The following FAM107B variants were observed in gnomAD, a reference collection of about 807,000 sequenced individuals.
FAM107B encodes the protein protein FAM107B.
FAM107B carries 21 observed loss-of-function variants against 31.5 expected under a neutral mutation model. That is an observed-to-expected ratio of 0.67 (90% CI 0.47 to 0.96). The LOEUF (loss-of-function observed/expected upper bound fraction) is 0.96. Among genes scored for constraint, FAM107B ranks in the 40% least tolerant of loss-of-function variants. The probability of loss-of-function intolerance (pLI) is 0.00; values close to 1 mark genes in which losing one functional copy is unlikely to be tolerated. For synonymous variants in FAM107B, 157 were observed against 141.5 expected, an observed-to-expected ratio of 1.11 and a Z score of -0.78; for missense variants, 452 against 377.1, an observed-to-expected ratio of 1.20 and a Z score of -1.64.
intron 2 of FAM107B, among the ~76,000 whole-genome samples, chr10:14,537,934 G>A (rs951511397): frequency 1.4e-4 from 22 of 151,816 alleles, no homozygotes; most frequent in African/African-American, 5.3e-4. Flanking sequence ...CACTGGCAAC[G>A]AATAAGAATA....
At chr10:14,539,972 T>G (rs1848015407) in intron 2 of FAM107B, among the ~76,000 whole-genome samples, 1 of 152,102 alleles carries the variant, frequency 6.6e-6, no homozygotes, top group African/African-American at 2.4e-5. Context: ...CAGCAGCACA[T>G]CTATGGAGAA....
intron 1 of FAM107B, among the ~76,000 whole-genome samples, chr10:14,688,555 G>T (rs1286846810): frequency 2.6e-5 from 4 of 152,104 alleles, no homozygotes; most frequent in Non-Finnish European, 5.9e-5. Flanking sequence ...ATTTTCAATT[G>T]TTCAGCCTTC....
chr10:14,582,074 G>A (rs958398169), intron 2 of FAM107B, among the ~76,000 whole-genome samples: 12 of 152,146 alleles, frequency 7.9e-5, no homozygotes, highest in African/African-American at 2.9e-4. Flanking sequence ...GACACTCCCA[G>A]TTATGGCACA....
At chr10:14,659,385 G>A (rs1208566863) in intron 2 of FAM107B, among the ~76,000 whole-genome samples, 2 of 152,118 alleles carry the variant, frequency 1.3e-5, no homozygotes, top group Admixed American at 1.3e-4. Flanking sequence ...AGGTTGCAGT[G>A]AGCTGAGATT....
intron 2 of FAM107B, among the ~76,000 whole-genome samples, chr10:14,592,257 G>A (rs958653160): frequency 6.6e-6 from 1 of 152,248 alleles, no homozygotes; most frequent in Non-Finnish European, 1.5e-5. Context: ...CCTCAGGTAA[G>A]ATGATTCAGC....
At chr10:14,618,542 A>G (rs1285479032) in intron 2 of FAM107B, among the ~76,000 whole-genome samples, 1 of 152,196 alleles carries the variant, frequency 6.6e-6, no homozygotes, top group Non-Finnish European at 1.5e-5. Context: ...TTATTTGGAA[A>G]TAAGTCATTA....
chr10:14,647,201 GT>G lies in FAM107B; in HGVS notation c.469+20432del, dbSNP rs373340934. On this transcript the variant is annotated intron_variant, in intron 2 of 4. Coordinates refer to ENST00000181796, the MANE Select transcript of FAM107B (RefSeq NM_031453.4). ...CACTCAATTATAATTACAAATATTT[GT>G]TGGTTGAATGAATGAAGGAAAGAAA... is the stretch of plus-strand genomic sequence containing the variant. Among the ~76,000 whole-genome samples, 1,046 of 152,206 alleles carry G rather than the reference GT, an allele frequency of 6.9e-3. 10 individuals carry two copies. Among genetic ancestry groups the G allele is most frequent in the African/African-American group, 0.024 (1,012 of 41,514 alleles).
chr10:14,547,419 G>T (rs577549075), intron 2 of FAM107B, among the ~76,000 whole-genome samples: 2 of 152,118 alleles, frequency 1.3e-5, no homozygotes, highest in African/African-American at 4.8e-5. Context: ...CCAAATTGTG[G>T]GTCAAACAGG....
intron 1 of FAM107B, among the ~76,000 whole-genome samples, chr10:14,677,148 T>C (rs1215731082): frequency 1.3e-5 from 2 of 152,216 alleles, no homozygotes; most frequent in African/African-American, 4.8e-5. Context: ...ATCAACATTA[T>C]AGCTGCTACT....
rs141204966 is a variant in FAM107B, at chr10:14,540,152, G to A, written c.470-9637C>T. Among the ~76,000 whole-genome samples the A allele has an allele frequency of 7.6e-4, 115 of 152,262 alleles. 1 individual carries two copies. The East Asian group carries it at 0.02, about 26-fold the overall frequency. ...GAGGTGCATTTGAGCTTATTCCTAG[G>A]GCAATGGCTGGGCCTGAGAACTATT... On this transcript the variant is annotated intron_variant, in intron 2 of 4. Transcript: ENST00000181796.
intron 2 of FAM107B, among the ~76,000 whole-genome samples, chr10:14,635,269 A>G (rs550409877): frequency 6.6e-6 from 1 of 152,286 alleles, no homozygotes; most frequent in South Asian, 2.1e-4. Context: ...GAAGAACAGG[A>G]GCAAGAAACC....
intron 1 of FAM107B, among the ~76,000 whole-genome samples, chr10:14,720,709 T>G (rs980002158): frequency 1.3e-5 from 2 of 152,184 alleles, no homozygotes; most frequent in Non-Finnish European, 2.9e-5. Flanking sequence ...TCTTAAATTC[T>G]AGAAGTTCCC....
intron 2 of FAM107B, among the ~76,000 whole-genome samples, chr10:14,665,359 C>G (rs1854378052): frequency 6.6e-6 from 1 of 152,206 alleles, no homozygotes; most frequent in African/African-American, 2.4e-5. Context: ...AATGGGATGT[C>G]TAATTTCTCA....
At chr10:14,718,455 AAAGG>A (rs998440301) in intron 1 of FAM107B, among the ~76,000 whole-genome samples, 7 of 145,198 alleles carry the variant, frequency 4.8e-5, no homozygotes, top group Non-Finnish European at 7.6e-5. Context: ...GAGAAGGAAG[AAAGG>A]AAGGAAGGAA....
At chr10:14,707,219 A>C (rs1450649382) in intron 1 of FAM107B, among the ~76,000 whole-genome samples, 4 of 152,212 alleles carry the variant, frequency 2.6e-5, no homozygotes, top group African/African-American at 9.6e-5. Context: ...TGTGTATTTT[A>C]TCACCACCCC....
chr10:14,654,309 T>C (rs1001783845), intron 2 of FAM107B, among the ~76,000 whole-genome samples: 10 of 152,222 alleles, frequency 6.6e-5, no homozygotes, highest in Admixed American at 3.9e-4. Context: ...CATAAGCAGT[T>C]GAAATAACCT....
At chr10:14,702,824 T>C (rs1564630880) in intron 1 of FAM107B, among the ~76,000 whole-genome samples, 1 of 152,180 alleles carries the variant, frequency 6.6e-6, no homozygotes, top group Non-Finnish European at 1.5e-5. Context: ...CAACAGACAC[T>C]GGAAGAGGCT....
intron 1 of FAM107B, among the ~76,000 whole-genome samples, chr10:14,710,512 C>A (rs968217324): frequency 1.3e-5 from 2 of 151,486 alleles, no homozygotes; most frequent in Non-Finnish European, 2.9e-5. Context: ...TAGGCCCTAC[C>A]CCAGAGATTC....
intron 2 of FAM107B, among the ~76,000 whole-genome samples, chr10:14,620,482 C>G (rs1162395991): frequency 6.6e-6 from 1 of 152,108 alleles, no homozygotes; most frequent in Non-Finnish European, 1.5e-5. Flanking sequence ...AGGCCCTTTG[C>G]TTTCATATAC....
Sources: gnomAD v4.1 joint callset for allele counts (sites outside exome capture counted in the v4.1 genomes callset) on GRCh38, gnomAD v4.1.1 for gene constraint, MANE v1.5 for transcripts, NCBI Gene and HGNC (gene_info 2026-07-23, HGNC 2026-07-21) for gene names.